The following SKIC3 variants were observed in gnomAD, a reference collection of about 807,000 sequenced individuals.
SKIC3 encodes the protein SKI3 subunit of superkiller complex, also known as superkiller complex protein 3.
At chr5:95,538,250 G>C in the SKIC3 span, among the ~76,000 whole-genome samples, 3 of 152,058 alleles carry the variant, frequency 2.0e-5, no homozygotes, top group Non-Finnish European at 4.4e-5. Flanking sequence ...AAATAATAAA[G>C]TTATATTATG....
the SKIC3 span, chr5:95,522,257 G>A: frequency 8.1e-6 from 13 of 1,613,468 alleles, no homozygotes; most frequent in African/African-American, 1.3e-5. Context: ...TTCTCCTAAC[G>A]ATTCCCAACA....
chr5:95,477,568 T>C, the SKIC3 span, among the ~76,000 whole-genome samples: 2 of 152,108 alleles, frequency 1.3e-5, no homozygotes, highest in Non-Finnish European at 2.9e-5. Flanking sequence ...TCAAAAGATA[T>C]AAAATGAAAA....
chr5:95,540,084 A>T, the SKIC3 span, among the ~76,000 whole-genome samples: 2 of 152,220 alleles, frequency 1.3e-5, no homozygotes, highest in East Asian at 3.8e-4. Context: ...ACACATACAC[A>T]CACAATGGAA....
chr5:95,524,623 G>C, the SKIC3 span: 1 of 1,611,316 alleles, frequency 6.2e-7, no homozygotes, highest in Non-Finnish European at 8.5e-7. Context: ...AAAAGAAATA[G>C]TAAAACAAAT....
chr5:95,503,688 C>T, the SKIC3 span: 1 of 1,360,058 alleles, frequency 7.4e-7, no homozygotes, highest in Non-Finnish European at 1.0e-6. Flanking sequence ...GCTGCTGACT[C>T]CTAGTCAGAT....
chr5:95,466,242 A>C, the SKIC3 span, among the ~76,000 whole-genome samples: 8 of 152,228 alleles, frequency 5.3e-5, no homozygotes, highest in African/African-American at 1.2e-4. Context: ...CCAGAGCCAT[A>C]GCATGAGAAG....
chr5:95,504,828 C>T, the SKIC3 span, among the ~76,000 whole-genome samples: 1 of 151,860 alleles, frequency 6.6e-6, no homozygotes, highest in Non-Finnish European at 1.5e-5. Flanking sequence ...TGATGAAACC[C>T]CGTCTCTAAT....
At chr5:95,530,068 T>C in the SKIC3 span, 21 of 1,611,410 alleles carry the variant, frequency 1.3e-5, no homozygotes, top group African/African-American at 2.7e-5. Flanking sequence ...TCACGTTACA[T>C]GCCATACACT....
the SKIC3 span, among the ~76,000 whole-genome samples, chr5:95,552,381 TTA>T: frequency 1.1e-4 from 17 of 152,366 alleles, 1 homozygote; most frequent in African/African-American, 3.4e-4. Flanking sequence ...CATAATTCAA[TTA>T]TGTCTCCCAA....
chr5:95,516,677 TAACATGC>T, the SKIC3 span: 1 of 1,613,410 alleles, frequency 6.2e-7, no homozygotes, highest in Middle Eastern at 1.7e-4. Flanking sequence ...CTCACCACTG[TAACATGC>T]AACCACACCA....
At chr5:95,551,494 A>G in the SKIC3 span, among the ~76,000 whole-genome samples, 215 of 152,374 alleles carry the variant, frequency 1.4e-3, 1 homozygote, top group Non-Finnish European at 1.7e-3. Context: ...GTAAGAAAAG[A>G]AAGTATGGTA....
At chr5:95,516,384 C>G in the SKIC3 span, 4 of 1,612,978 alleles carry the variant, frequency 2.5e-6, no homozygotes, top group Non-Finnish European at 3.4e-6. Flanking sequence ...GTATAACACT[C>G]CCAAGTTGGT....
the SKIC3 span, among the ~76,000 whole-genome samples, chr5:95,489,349 A>G: frequency 6.6e-6 from 1 of 152,080 alleles, no homozygotes; most frequent in Admixed American, 6.5e-5. Context: ...GTGGATGTAT[A>G]CAGACTCGTA....
At chr5:95,478,243 G>A in the SKIC3 span, 2 of 1,606,324 alleles carry the variant, frequency 1.2e-6, no homozygotes, top group South Asian at 2.2e-5. Context: ...GTCAAAGAAA[G>A]ATAAAAAAAT....
the SKIC3 span, among the ~76,000 whole-genome samples, chr5:95,545,603 C>G: frequency 6.6e-6 from 1 of 152,124 alleles, no homozygotes; most frequent in Non-Finnish European, 1.5e-5. Context: ...ACTTCTTTTA[C>G]AGCTCACATG....
chr5:95,495,941 A>G, the SKIC3 span, among the ~76,000 whole-genome samples: 2 of 152,218 alleles, frequency 1.3e-5, no homozygotes, highest in African/African-American at 4.8e-5. Flanking sequence ...CCAAAACTGA[A>G]AGGGAAAACT....
chr5:95,512,336 T>C, the SKIC3 span: 1 of 899,684 alleles, frequency 1.1e-6, no homozygotes, highest in Non-Finnish European at 1.7e-6. Context: ...AAGTAAAGAC[T>C]GCTTCGCTGT....
chr5:95,533,990 G>C, the SKIC3 span, among the ~76,000 whole-genome samples: 7 of 152,066 alleles, frequency 4.6e-5, no homozygotes, highest in African/African-American at 1.7e-4. Context: ...CCAAGGCTGA[G>C]GTAATGGTGA....
chr5:95,549,305 C>G, the SKIC3 span, among the ~76,000 whole-genome samples: 1 of 151,858 alleles, frequency 6.6e-6, no homozygotes, highest in Non-Finnish European at 1.5e-5. Context: ...TCAGAAGGGA[C>G]TTATTAAACA....
Sources: gnomAD v4.1 joint callset for allele counts (sites outside exome capture counted in the v4.1 genomes callset) on GRCh38, gnomAD v4.1.1 for gene constraint, MANE v1.5 for transcripts, NCBI Gene and HGNC (gene_info 2026-07-23, HGNC 2026-07-21) for gene names.